Variants in SLIT1 observed in about 807,000 individuals in gnomAD.
SLIT1 encodes slit guidance ligand 1.
In SLIT1, 66 loss-of-function variants were observed where a neutral mutation model predicts 186.1. The observed-to-expected ratio is 0.35, with a 90% CI of 0.29 to 0.44. The LOEUF (loss-of-function observed/expected upper bound fraction) is 0.44. SLIT1 is among the 20% of genes least tolerant of loss of function. The probability of loss-of-function intolerance (pLI) is 1.00; values close to 1 mark genes in which losing one functional copy is unlikely to be tolerated. For synonymous variants in SLIT1, 761 were observed against 833.8 expected, an observed-to-expected ratio of 0.91 and a Z score of 1.50; for missense variants, 1,638 against 2,037.4, an observed-to-expected ratio of 0.80 and a Z score of 3.77.
intron 1 of SLIT1, among the ~76,000 whole-genome samples, chr10:97,166,548 AAG>A (rs1850111483): frequency 1.5e-5 from 1 of 65,436 alleles, no homozygotes; most frequent in Non-Finnish European, 3.2e-5. Flanking sequence ...GGAAGGAAGG[AAG>A]GAAGGAAAGA....
At chr10:97,113,292 C>T (rs1359006828) in intron 4 of SLIT1, among the ~76,000 whole-genome samples, 1 of 152,112 alleles carries the variant, frequency 6.6e-6, no homozygotes, top group Non-Finnish European at 1.5e-5. Flanking sequence ...AATCTTGTTG[C>T]CCAGGCTGGA....
chr10:97,139,297 A>G (rs553294273), intron 4 of SLIT1, among the ~76,000 whole-genome samples: 93 of 152,334 alleles, frequency 6.1e-4, no homozygotes, highest in South Asian at 4.3e-3. Context: ...AATCACATTA[A>G]GGATTCACAA....
At chr10:97,013,993 A>G (rs1372400033) in intron 29 of SLIT1, 26 bp downstream of exon 29, 2 of 1,610,334 alleles carry the variant, frequency 1.2e-6, no homozygotes, top group Admixed American at 1.7e-5. Context: ...CACCTCCCCC[A>G]GACACTGCTG....
chr10:97,040,477 T>G (rs1177841808), intron 20 of SLIT1, among the ~76,000 whole-genome samples: 1 of 152,078 alleles, frequency 6.6e-6, no homozygotes, highest in African/African-American at 2.4e-5. Context: ...CAGTTAGGGG[T>G]GCAGCATCGC....
At chr10:97,122,174 A>G (rs938054226) in intron 4 of SLIT1, among the ~76,000 whole-genome samples, 21 of 152,210 alleles carry the variant, frequency 1.4e-4, no homozygotes, top group Non-Finnish European at 3.1e-4. Flanking sequence ...TTCCAGCAAC[A>G]TGGAAGATGG....
chr10:97,041,306 G>A (rs561936858), intron 20 of SLIT1, among the ~76,000 whole-genome samples: 12 of 152,200 alleles, frequency 7.9e-5, no homozygotes, highest in African/African-American at 1.2e-4. Context: ...TCCAGATAGC[G>A]GTCCATCCTG....
rs527530101 is a variant in SLIT1 at position 97,169,220 on chromosome 10, G to A, written c.198-4330C>T. Among the ~76,000 whole-genome samples the A allele has an allele frequency of 5.3e-5, 8 of 152,302 alleles. No individual in the cohort carries two copies. The East Asian group carries it at 1.2e-3, about 22-fold the overall frequency. On this transcript the variant is annotated intron_variant, in intron 1 of 36. Coordinates refer to ENST00000266058, the MANE Select transcript of SLIT1 (RefSeq NM_003061.3). The stretch of plus-strand genomic sequence containing the variant: ...AGGCCCAAGCCCACCCCAGCCTGCC[G>A]CCATCAGCCTTGCTCTCTAACGCAG...
At position 97,043,676 on chromosome 10, in the gene SLIT1, C is replaced by A. The variant is rs377052270; in HGVS notation, c.1854-163G>T. On this transcript the variant is annotated intron_variant, in intron 18 of 36. Coordinates refer to ENST00000266058, the MANE Select transcript of SLIT1 (RefSeq NM_003061.3). This position sits in a 1 kb window ranked among gnomAD's most constrained non-coding sequence, Gnocchi z 7.0. Reference sequence around the variant, plus strand: ...CCAGCCAGGCCCCGGCCAGGTGAGGCGAGTTTTACACACCTGTGCCCACTC... The same window carrying A: ...CCAGCCAGGCCCCGGCCAGGTGAGGAGAGTTTTACACACCTGTGCCCACTC... 1.1e-4 allele frequency among the ~76,000 whole-genome samples: 16 copies of A among 152,064 alleles called. No homozygotes were observed. Among genetic ancestry groups the A allele is most frequent in the African/African-American group, 2.9e-4 (12 of 41,406 alleles).
At chr10:97,008,912 C>G (rs768226354) in intron 31 of SLIT1, among the ~76,000 whole-genome samples, 3 of 151,746 alleles carry the variant, frequency 2.0e-5, no homozygotes, top group South Asian at 2.1e-4. Context: ...TGGCGTCTCA[C>G]TCTGTCACCC....
intron 28 of SLIT1, 72 bp from the exon 29 acceptor site, chr10:97,014,230 A>G: frequency 6.4e-7 from 1 of 1,551,674 alleles, no homozygotes. Context: ...CTGCCGGTTA[A>G]TATCACCATT....
chr10:97,166,548 AAGG>A (rs1850111524), intron 1 of SLIT1, among the ~76,000 whole-genome samples: 6 of 65,436 alleles, frequency 9.2e-5, no homozygotes, highest in South Asian at 5.3e-4. Context: ...GGAAGGAAGG[AAGG>A]AAGGAAAGAG....
At chr10:97,030,695 T>C in intron 25 of SLIT1, 62 bp downstream of exon 25, 4 of 1,374,382 alleles carry the variant, frequency 2.9e-6, no homozygotes, top group South Asian at 2.4e-5. Context: ...GGTGGGATCT[T>C]CTCAGAAACC....
At chr10:97,171,775 T>C (rs146553451) in intron 1 of SLIT1, among the ~76,000 whole-genome samples, 4,358 of 150,936 alleles carry the variant, frequency 0.029, 86 homozygotes, top group Non-Finnish European at 0.035. Flanking sequence ...GGTGAGATCG[T>C]GCCAGTGCAC....
chr10:97,035,395 C>T (rs1375179375), intron 22 of SLIT1, among the ~76,000 whole-genome samples: 3 of 152,130 alleles, frequency 2.0e-5, no homozygotes, highest in South Asian at 2.1e-4. Context: ...AAACTCCGCC[C>T]GCATCTTGTT....
chr10:97,009,520 T>G (rs1848393452), intron 31 of SLIT1, among the ~76,000 whole-genome samples: 1 of 152,144 alleles, frequency 6.6e-6, no homozygotes, highest in African/African-American at 2.4e-5. Context: ...GAGCTAAAAC[T>G]ATAAAAGTCT....
intron 4 of SLIT1, among the ~76,000 whole-genome samples, chr10:97,095,367 A>G (rs1849277178): frequency 6.6e-6 from 1 of 152,176 alleles, no homozygotes; most frequent in African/African-American, 2.4e-5. Context: ...ACCTCACCAC[A>G]TCCTAATGCT....
Position 97,116,330 on chromosome 10 carries a change from CATCTCCTG to C in SLIT1, c.413+41480_413+41487del, listed in dbSNP as rs531602623. ...CCTCCTCCCTCCAGCTAGAGAAGAC[CATCTCCTG>C]AGCTAGCCGAAGCCCACTGCAAGGA... On this transcript the variant is annotated intron_variant, in intron 4 of 36. Transcript: ENST00000266058. 1.9e-4 allele frequency among the ~76,000 whole-genome samples: 29 copies of C among 152,218 alleles called. No individual in the cohort carries two copies. In the South Asian group the frequency reaches 5.8e-3, roughly 31 times the overall value.
Position 97,001,185 on chromosome 10 carries a change from T to C in SLIT1, c.4532A>G (p.Glu1511Gly). Residue 1511 changes from glutamate (E) to glycine (G), a missense_variant, in exon 37 of 37, where the codon GAG becomes GGG. Transcript: ENST00000266058. The part of the protein sequence containing the change: ...LRLKRRKFTF[E>G]CSDGTSFAEE... ...GGCAAAAGAGGTCCCATCGCTGCAC[T>C]CAAAGGTGAACTTCCTCCGCTTCAG... 6.2e-7 allele frequency: 1 copy of C among 1,613,248 alleles called. No homozygotes were observed. Among genetic ancestry groups the C allele is most frequent in the Non-Finnish European group, 8.5e-7 (1 of 1,179,864 alleles).
Position 96,999,524 on chromosome 10 carries a change from G to C in SLIT1, c.*1588C>G, listed in dbSNP as rs1848280848. 6.6e-6 allele frequency: 1 copy of C among 152,394 alleles called. No homozygotes were observed. Among genetic ancestry groups the C allele is most frequent in the Non-Finnish European group, 1.5e-5 (1 of 68,186 alleles). 9.4% of individuals were successfully genotyped at this position (152,394 alleles called of 1,614,324 possible). Reference sequence around the variant, plus strand: ...TCACAGATGGAGGGAGCCAGGGCAGGGACATGCTCACCCCCGTTGCCCACC... The same window carrying C: ...TCACAGATGGAGGGAGCCAGGGCAGCGACATGCTCACCCCCGTTGCCCACC... On this transcript the variant is annotated 3_prime_UTR_variant, in exon 37 of 37. Transcript: ENST00000266058.
Sources: gnomAD v4.1 joint callset for allele counts (sites outside exome capture counted in the v4.1 genomes callset) on GRCh38, gnomAD v4.1.1 for gene constraint, Gnocchi (gnomAD v3.1) non-coding constraint, MANE v1.5 for transcripts, NCBI Gene and HGNC (gene_info 2026-07-23, HGNC 2026-07-21) for gene names.